Variants in SVIL observed in about 807,000 individuals in gnomAD.
SVIL encodes the protein archvillin.
SVIL carries 101 observed loss-of-function variants against 240.4 expected under a neutral mutation model. The ratio of observed to expected loss-of-function variants is 0.42; its 90% CI spans 0.36 to 0.50. The LOEUF is 0.50. Ranked by LOEUF, SVIL falls within the 20% of genes least tolerant of loss-of-function variation. SVIL has a pLI of 0.01. For synonymous variants in SVIL, 999 were observed against 1,100.0 expected (o/e 0.91, Z 1.82); for missense variants, 2,512 against 2,818.7 (o/e 0.89, Z 2.46).
intron 1 of SVIL, among the ~76,000 whole-genome samples, chr10:29,691,181 G>T (rs1961468872): frequency 6.6e-6 from 1 of 151,346 alleles, no homozygotes; most frequent in South Asian, 2.1e-4. Context: ...GACCAATAAT[G>T]AACAATGTAA....
chr10:29,611,649 G>A (rs1957247359), intron 1 of SVIL, among the ~76,000 whole-genome samples: 1 of 152,174 alleles, frequency 6.6e-6, no homozygotes, highest in Non-Finnish European at 1.5e-5. Flanking sequence ...AAAAGGTAAG[G>A]ATAGTTATTG....
intron 30 of SVIL, 70 bp downstream of exon 30, chr10:29,473,755 GGAGGGACCAGGCC>G: frequency 2.5e-6 from 4 of 1,574,162 alleles, no homozygotes; most frequent in Non-Finnish European, 3.5e-6. Context: ...AATCATGTTG[GGAGGGACCAGGCC>G]GAGTGCCATC....
intron 30 of SVIL, among the ~76,000 whole-genome samples, chr10:29,473,287 G>T (rs1945798441): frequency 6.6e-6 from 1 of 152,232 alleles, no homozygotes; most frequent in South Asian, 2.1e-4. Context: ...GAATACAGGT[G>T]ATGGGCGTTC....
At chr10:29,490,116 C>T (rs1490407587) in intron 22 of SVIL, among the ~76,000 whole-genome samples, 2 of 152,026 alleles carry the variant, frequency 1.3e-5, no homozygotes, top group African/African-American at 2.4e-5. Context: ...GTCTGGAGCC[C>T]ATCTCCTCGC....
chr10:29,549,462 G>A (rs1953019884), intron 6 of SVIL, among the ~76,000 whole-genome samples: 1 of 120,916 alleles, frequency 8.3e-6, no homozygotes, highest in South Asian at 2.5e-4. Context: ...AAGTCAGTGT[G>A]GCGAAACCTC....
At chr10:29,507,752 A>C in intron 17 of SVIL, 1 of 985,394 alleles carries the variant, frequency 1.0e-6, no homozygotes, top group Non-Finnish European at 1.2e-6. Context: ...TAATCGACAC[A>C]AAAGACAGGT....
intron 33 of SVIL, 138 bp downstream of exon 33, chr10:29,467,604 G>T: frequency 1.8e-6 from 2 of 1,114,810 alleles, no homozygotes; most frequent in Non-Finnish European, 2.5e-6. Context: ...GAGGCAGGCT[G>T]ATCACTTGAG....
At position 29,470,304 on chromosome 10, in the gene SVIL, T is replaced by C; in HGVS notation, c.5815A>G (p.Arg1939Gly). 1 of 1,614,210 alleles carries C rather than the reference T, an allele frequency of 6.2e-7. No individual in the cohort carries two copies. Among genetic ancestry groups the C allele is most frequent in the Non-Finnish European group, 8.5e-7 (1 of 1,180,044 alleles). Residue 1939 changes from arginine to glycine, a missense_variant, in exon 32 of 38, where the codon AGG (arginine) becomes GGG (glycine). Transcript: ENST00000355867. ...KAQAHTKEVG[R>G]TAANKIKEQC... is the part of the protein sequence containing the mutation. The stretch of plus-strand genomic sequence containing the variant: ...TCCTTGATCTTGTTCGCAGCGGTCC[T>C]TCCGACCTCCTTCGTGTGGGCCTGG...
intron 31 of SVIL, 42 bp from the exon 32 acceptor site, chr10:29,470,525 C>T (rs751122735): frequency 6.2e-6 from 10 of 1,608,732 alleles, no homozygotes; most frequent in South Asian, 2.2e-5. Context: ...AGCACGTGAG[C>T]GAGTGGCAGC....
intron 6 of SVIL, among the ~76,000 whole-genome samples, chr10:29,542,284 T>C (rs1316018788): frequency 6.6e-6 from 1 of 152,232 alleles, no homozygotes; most frequent in Non-Finnish European, 1.5e-5. Flanking sequence ...CACTTGAAAT[T>C]GTTGGATATT....
At chr10:29,621,118 G>A (rs1158317047) in intron 1 of SVIL, among the ~76,000 whole-genome samples, 1 of 152,018 alleles carries the variant, frequency 6.6e-6, no homozygotes, top group Non-Finnish European at 1.5e-5. Context: ...TGTATTCTGT[G>A]TATTTAATAA....
intron 1 of SVIL, among the ~76,000 whole-genome samples, chr10:29,614,618 A>G (rs1023217228): frequency 6.6e-6 from 1 of 152,196 alleles, no homozygotes; most frequent in Admixed American, 6.5e-5. Flanking sequence ...CAATGAGAAC[A>G]CATGGACACA....
chr10:29,688,914 G>A (rs1455053085), intron 1 of SVIL, among the ~76,000 whole-genome samples: 1 of 152,198 alleles, frequency 6.6e-6, no homozygotes, highest in African/African-American at 2.4e-5. Flanking sequence ...GATAAGACTA[G>A]TGAAAAGAGC....
chr10:29,615,808 A>G (rs1957407688), intron 1 of SVIL, among the ~76,000 whole-genome samples: 1 of 152,216 alleles, frequency 6.6e-6, no homozygotes, highest in South Asian at 2.1e-4. Context: ...ATGTTTTCCA[A>G]ATCCTGTTCA....
At chr10:29,490,778 A>G in intron 22 of SVIL, 69 bp downstream of exon 22, 2 of 1,583,548 alleles carry the variant, frequency 1.3e-6, no homozygotes, top group Non-Finnish European at 1.7e-6. Context: ...CAGAAAACCA[A>G]GCAATGAGTA....
chr10:29,537,460 T>A (rs1589157263), intron 6 of SVIL, among the ~76,000 whole-genome samples: 1 of 152,140 alleles, frequency 6.6e-6, no homozygotes, highest in Non-Finnish European at 1.5e-5. Context: ...TAGAGAAACA[T>A]CATGGGTAAG....
intron 2 of SVIL, among the ~76,000 whole-genome samples, chr10:29,674,713 T>C (rs921211857): frequency 6.6e-6 from 1 of 152,218 alleles, no homozygotes; most frequent in Admixed American, 6.5e-5. Flanking sequence ...AGATGTTAGA[T>C]GTTTGGGTCT....
chr10:29,645,836 G>A (rs894676281), intron 3 of SVIL, among the ~76,000 whole-genome samples: 13 of 152,176 alleles, frequency 8.5e-5, no homozygotes, highest in Non-Finnish European at 1.5e-4. Flanking sequence ...AGGATTTATC[G>A]AAAGATGGCT....
At chr10:29,678,412 AC>A (rs1479249082) in intron 2 of SVIL, among the ~76,000 whole-genome samples, 1 of 152,144 alleles carries the variant, frequency 6.6e-6, no homozygotes, top group Non-Finnish European at 1.5e-5. Context: ...ATCTAATGCT[AC>A]TGCTGATCCG....
Sources: gnomAD v4.1 joint callset for allele counts (sites outside exome capture counted in the v4.1 genomes callset) on GRCh38, gnomAD v4.1.1 for gene constraint, MANE v1.5 for transcripts, NCBI Gene and HGNC (gene_info 2026-07-23, HGNC 2026-07-21) for gene names.